PLS1: variants seen among roughly 807,000 people sequenced by gnomAD.
PLS1 encodes plastin 1.
In PLS1, 32 loss-of-function variants were observed where a neutral mutation model predicts 73.7. The observed-to-expected ratio is 0.43, with a 90% CI of 0.33 to 0.58. PLS1 has a LOEUF of 0.58. PLS1 is among the 20% of genes least tolerant of loss of function. The pLI is 0.04. For missense variants in PLS1, 633 were observed against 740.5 expected, an observed-to-expected ratio of 0.85 and a Z score of 1.68; for synonymous variants, 217 against 261.3, an observed-to-expected ratio of 0.83 and a Z score of 1.63.
At position 142,680,354 on chromosome 3, in the gene PLS1, C is replaced by A. The variant is rs146183831; in HGVS notation, c.579+2241C>A. 2.0e-4 allele frequency among the ~76,000 whole-genome samples: 30 copies of A among 152,230 alleles called. 1 individual carries two copies. In the East Asian group the frequency reaches 5.8e-3, roughly 29 times the overall value. The stretch of plus-strand genomic sequence containing the variant: ...TGCTGGAATTATAGGCATGAGCCAC[C>A]ATGCCTGGCCAAAACTGGATTTTTA... On this transcript the variant is annotated intron_variant, in intron 6 of 15. Transcript: ENST00000457734.
At chr3:142,691,903 G>A (rs989864679) in intron 10 of PLS1, among the ~76,000 whole-genome samples, 5 of 152,086 alleles carry the variant, frequency 3.3e-5, no homozygotes, top group Non-Finnish European at 4.4e-5. Flanking sequence ...TGTGGGCTAC[G>A]TACAGAAAGA....
chr3:142,711,719 T>A, intron 15 of PLS1, 94 bp downstream of exon 15: 1 of 1,308,424 alleles, frequency 7.6e-7, no homozygotes, highest in Non-Finnish European at 1.1e-6. Context: ...TTCATATTTT[T>A]AAATATAACT....
chr3:142,637,416 A>G (rs1055029100), intron 1 of PLS1, among the ~76,000 whole-genome samples: 8 of 152,318 alleles, frequency 5.3e-5, no homozygotes, highest in South Asian at 2.1e-4. Context: ...AGCATGAGGA[A>G]TATTATAGGA....
chr3:142,646,832 A>G (rs1450670331), intron 1 of PLS1, among the ~76,000 whole-genome samples: 1 of 152,224 alleles, frequency 6.6e-6, no homozygotes, highest in Non-Finnish European at 1.5e-5. Context: ...TATAGTGAAA[A>G]TACCTTAATT....
intron 1 of PLS1, among the ~76,000 whole-genome samples, chr3:142,659,642 G>A (rs925374301): frequency 1.3e-5 from 2 of 151,578 alleles, no homozygotes; most frequent in African/African-American, 4.8e-5. Context: ...TTCTCCTAGA[G>A]GATCAGTTCC....
At chr3:142,613,879 T>TGACAGGAAA (rs1313599638) in intron 1 of PLS1, among the ~76,000 whole-genome samples, 1 of 152,238 alleles carries the variant, frequency 6.6e-6, no homozygotes, top group Non-Finnish European at 1.5e-5. Flanking sequence ...GACTACCAGG[T>TGACAGGAAA]GACAGGGTCT....
intron 1 of PLS1, among the ~76,000 whole-genome samples, chr3:142,629,569 A>T (rs2036508454): frequency 6.6e-6 from 1 of 152,218 alleles, no homozygotes; most frequent in Non-Finnish European, 1.5e-5. Context: ...ACACATGGGT[A>T]TGAGGAAACT....
rs1253931124 is a variant in PLS1 at position 142,713,494 on chromosome 3, TAAG to T, written c.*1489_*1491del. On this transcript the variant is annotated 3_prime_UTR_variant, in exon 16 of 16. Coordinates refer to ENST00000457734, the MANE Select transcript of PLS1 (RefSeq NM_001145319.2). ...TTTTATATTTTGATGATTGTTTTCT[TAAG>T]ATTAAGATATGTTCTTGCTCTTTTA... 1 of 152,464 alleles carries T rather than the reference TAAG, an allele frequency of 6.6e-6. No homozygotes were observed. The highest frequency in any genetic ancestry group is 2.4e-5 in the African/African-American group (1 of 41,350). The allele number at this position is 152,464 out of a possible 1,614,324, so 9.4% of individuals were successfully genotyped here. A position where few individuals can be genotyped will look rare whatever the true frequency, so the allele number is the denominator to read the frequency against.
Position 142,698,044 on chromosome 3 carries a change from G to T in PLS1, c.1348G>T (p.Ala450Ser). 1 of 1,596,642 alleles carries T rather than the reference G, an allele frequency of 6.3e-7. No homozygotes were observed. Among genetic ancestry groups the T allele is most frequent in the Non-Finnish European group, 8.6e-7 (1 of 1,164,230 alleles). ...WSHVNKPPYP[A>S]LGGNMKKIEN... is the part of the protein sequence containing the mutation. ...CCATGTCAACAAACCTCCTTATCCT[G>T]CCCTTGGAGGGAACATGAAGAAGGT... The change falls in exon 12 of 16, where the codon GCC becomes TCC. Residue 450 changes from alanine to serine, a missense_variant. Transcript: ENST00000457734.
intron 1 of PLS1, among the ~76,000 whole-genome samples, chr3:142,651,986 G>A (rs923896975): frequency 6.6e-6 from 1 of 152,156 alleles, no homozygotes; most frequent in African/African-American, 2.4e-5. Flanking sequence ...TGTAGGCTTA[G>A]AGACATGGAT....
At chr3:142,698,135 A>G (rs2038250429) in intron 12 of PLS1, 68 bp downstream of exon 12, 2 of 936,344 alleles carry the variant, frequency 2.1e-6, no homozygotes, top group African/African-American at 1.6e-5. Context: ...TTAGAGTTTC[A>G]TGAAGTTATA....
At chr3:142,647,503 C>CTTTA (rs1553785179) in intron 1 of PLS1, among the ~76,000 whole-genome samples, 1 of 141,938 alleles carries the variant, frequency 7.0e-6, no homozygotes, top group African/African-American at 2.6e-5. Context: ...TTTTTCTTTT[C>CTTTA]TTTTTTTTTT....
At chr3:142,655,998 G>A (rs575261910) in intron 1 of PLS1, among the ~76,000 whole-genome samples, 3 of 152,004 alleles carry the variant, frequency 2.0e-5, no homozygotes, top group Non-Finnish European at 2.9e-5. Context: ...GTCTCACTCC[G>A]TCACCCAGGC....
At position 142,689,622 on chromosome 3, in the gene PLS1, C is replaced by T; in HGVS notation, c.986C>T (p.Thr329Ile). The T allele has an allele frequency of 6.5e-7, 1 of 1,541,586 alleles. No individual in the cohort carries two copies. Among genetic ancestry groups the T allele is most frequent in the Non-Finnish European group, 8.7e-7 (1 of 1,147,730 alleles). Reference protein sequence around the residue: ...IAIDLSGINETNDLKRAGLML... With the variant: ...IAIDLSGINEINDLKRAGLML... ...CATTTTTGTTTTATTGTTTAGGAGA[C>T]AAATGACCTGAAGCGTGCTGGACTC... Residue 329 changes from threonine to isoleucine, a missense_variant, in exon 10 of 16, where the codon ACA becomes ATA. Physicochemically the swap from Thr to Ile is moderately conservative, Grantham distance 89 (BLOSUM62 -1). Coordinates refer to ENST00000457734, the MANE Select transcript of PLS1 (RefSeq NM_001145319.2).
chr3:142,641,439 A>T (rs1406951752), intron 1 of PLS1, among the ~76,000 whole-genome samples: 1 of 151,038 alleles, frequency 6.6e-6, no homozygotes, highest in East Asian at 1.9e-4. Flanking sequence ...TATATGTATG[A>T]ATATATATAT....
At chr3:142,658,903 A>G (rs541940895) in intron 1 of PLS1, among the ~76,000 whole-genome samples, 3 of 152,330 alleles carry the variant, frequency 2.0e-5, no homozygotes, top group Non-Finnish European at 4.4e-5. Flanking sequence ...GAGAGTAGGA[A>G]TGCTAATTGA....
chr3:142,628,573 T>G (rs905239818), intron 1 of PLS1, among the ~76,000 whole-genome samples: 3 of 152,224 alleles, frequency 2.0e-5, no homozygotes, highest in Non-Finnish European at 4.4e-5. Flanking sequence ...CTGAAAGTGC[T>G]TTATAAATTA....
intron 1 of PLS1, among the ~76,000 whole-genome samples, chr3:142,617,201 GC>G (rs945953022): frequency 2.0e-5 from 3 of 147,324 alleles, no homozygotes; most frequent in African/African-American, 7.6e-5. Context: ...ATAAAATTAT[GC>G]CCCCTTGGGT....
chr3:142,662,852 G>C (rs1280564893), intron 1 of PLS1, among the ~76,000 whole-genome samples: 2 of 152,136 alleles, frequency 1.3e-5, no homozygotes, highest in Non-Finnish European at 2.9e-5. Flanking sequence ...CAACAAAAAG[G>C]TTATAATATT....
Sources: allele counts gnomAD v4.1 joint callset (sites outside exome capture counted in the v4.1 genomes callset), GRCh38; gene constraint gnomAD v4.1.1; transcripts MANE v1.5; gene names NCBI Gene and HGNC (gene_info 2026-07-23, HGNC 2026-07-21).